SHANK2: variants seen among roughly 807,000 people sequenced by gnomAD.
SHANK2 encodes SH3 and multiple ankyrin repeat domains 2.
A neutral mutation model predicts 133.7 loss-of-function variants in SHANK2; 43 were observed. The ratio of observed to expected loss-of-function variants is 0.32; its 90% CI spans 0.25 to 0.41. The LOEUF is 0.41. SHANK2 is among the 10% of genes least tolerant of loss of function. SHANK2 has a pLI of 1.00. For missense variants in SHANK2, 1,994 were observed against 2,235.8 expected, an observed-to-expected ratio of 0.89 and a Z score of 2.18; for synonymous variants, 1,017 against 952.8, an observed-to-expected ratio of 1.07 and a Z score of -1.24.
At chr11:70,567,421 G>A (rs2059981318) in intron 17 of SHANK2, among the ~76,000 whole-genome samples, 2 of 152,150 alleles carry the variant, frequency 1.3e-5, no homozygotes, top group Non-Finnish European at 2.9e-5. Context: ...GAGGTCAGGA[G>A]TTTGAGACCA....
chr11:70,559,207 A>G (rs1315903619), intron 17 of SHANK2, among the ~76,000 whole-genome samples: 4 of 151,972 alleles, frequency 2.6e-5, no homozygotes, highest in East Asian at 1.9e-4. Context: ...TTTAGTAGAG[A>G]TGGGGTTTCA....
intron 8 of SHANK2, among the ~76,000 whole-genome samples, chr11:71,088,942 T>C (rs1189477654): frequency 2.0e-5 from 3 of 147,298 alleles, no homozygotes; most frequent in Non-Finnish European, 3.0e-5. Context: ...GAACTTGACC[T>C]TGTGGGTGAC....
chr11:70,876,970 A>G (rs1261291065), intron 11 of SHANK2, among the ~76,000 whole-genome samples: 1 of 152,206 alleles, frequency 6.6e-6, no homozygotes, highest in African/African-American at 2.4e-5. Context: ...GAATTCCACA[A>G]GGGACTGAGA....
chr11:70,776,505 C>T lies in SHANK2; in HGVS notation c.1777+21938G>A, dbSNP rs545614608. Among the ~76,000 whole-genome samples, 469 of 152,284 alleles carry T rather than the reference C, an allele frequency of 3.1e-3. 3 individuals carry two copies. The highest frequency in any genetic ancestry group is 0.027 in the Middle Eastern group (8 of 294). Reference sequence around the variant, plus strand: ...CTGGTATCGCCAAGAGCCTCATGCACGCCTCACTGCCTTCCCTGTTGCTCA... The same window carrying T: ...CTGGTATCGCCAAGAGCCTCATGCATGCCTCACTGCCTTCCCTGTTGCTCA... On this transcript the variant is annotated intron_variant, in intron 14 of 25. Coordinates refer to ENST00000601538, the MANE Select transcript of SHANK2 (RefSeq NM_012309.5).
chr11:70,719,312 G>A (rs1946024875), intron 14 of SHANK2, among the ~76,000 whole-genome samples: 1 of 152,234 alleles, frequency 6.6e-6, no homozygotes, highest in Non-Finnish European at 1.5e-5. Context: ...CACACAGCCA[G>A]GTAAGGGTGG....
chr11:71,127,571 C>G (rs1952215221), intron 3 of SHANK2, among the ~76,000 whole-genome samples: 1 of 152,160 alleles, frequency 6.6e-6, no homozygotes, highest in African/African-American at 2.4e-5. Context: ...AGACACTCCA[C>G]CAACAAAAAC....
chr11:70,523,035 C>T (rs928513858), intron 17 of SHANK2, among the ~76,000 whole-genome samples: 6 of 152,306 alleles, frequency 3.9e-5, no homozygotes, highest in South Asian at 4.2e-4. Flanking sequence ...AGAGGGCTTG[C>T]GGGTGCAAGG....
chr11:70,570,917 A>T (rs996373616), intron 17 of SHANK2, among the ~76,000 whole-genome samples: 6 of 152,200 alleles, frequency 3.9e-5, no homozygotes, highest in Admixed American at 3.9e-4. Context: ...ACAGTTTCAT[A>T]AATCTTGTAG....
At chr11:71,248,719 T>G (rs1474664083) in intron 1 of SHANK2, among the ~76,000 whole-genome samples, 1 of 152,192 alleles carries the variant, frequency 6.6e-6, no homozygotes, top group Non-Finnish European at 1.5e-5. Context: ...GAACAAGGAC[T>G]GGGTCATTCT....
At chr11:70,737,163 C>T (rs771042294) in intron 14 of SHANK2, among the ~76,000 whole-genome samples, 4 of 152,180 alleles carry the variant, frequency 2.6e-5, no homozygotes, top group Non-Finnish European at 4.4e-5. Context: ...GAGTCAGGTC[C>T]CTCACAGGCT....
Position 70,806,674 on chromosome 11 carries a change from C to T in SHANK2, c.1663+328G>A, listed in dbSNP as rs151043483. ...AGCCGACCCATGCCAGGGCCCACCCCGACACTTCAGACTTAGGGGATGGAA... is the reference window on the plus strand; with the variant it reads ...AGCCGACCCATGCCAGGGCCCACCCTGACACTTCAGACTTAGGGGATGGAA... On this transcript the variant is annotated intron_variant, in intron 13 of 25. Transcript: ENST00000601538. Among the ~76,000 whole-genome samples the T allele has an allele frequency of 1.4e-4, 22 of 152,316 alleles. No homozygotes were observed. In the East Asian group the frequency reaches 3.3e-3, roughly 23 times the overall value.
rs782433594 is a variant in SHANK2, at chr11:70,754,909, C to T, written c.1777+43534G>A. On this transcript the variant is annotated intron_variant, in intron 14 of 25. Coordinates refer to ENST00000601538, the MANE Select transcript of SHANK2 (RefSeq NM_012309.5). ...TAACACGGCCCCAGATGCAGAGAGA[C>T]ATCGATTACAGGGAGGCACCTGGGT... Among the ~76,000 whole-genome samples, 120 of 152,244 alleles carry T rather than the reference C, an allele frequency of 7.9e-4. 2 individuals are homozygous for T. Among genetic ancestry groups the T allele is most frequent in the Middle Eastern group, 3.4e-3 (1 of 294 alleles).
At chr11:70,939,156 C>T (rs561362476) in intron 10 of SHANK2, among the ~76,000 whole-genome samples, 26 of 152,218 alleles carry the variant, frequency 1.7e-4, no homozygotes, top group African/African-American at 4.3e-4. Flanking sequence ...ACTTTCCCTC[C>T]GGGGCTTTGG....
At chr11:70,501,977 CAGAA>C in intron 19 of SHANK2, 46 bp from the exon 20 acceptor site, 1 of 1,549,604 alleles carries the variant, frequency 6.5e-7, no homozygotes, top group Non-Finnish European at 8.7e-7. Flanking sequence ...GTTAGATAAA[CAGAA>C]AAGAGGAAAG....
intron 11 of SHANK2, among the ~76,000 whole-genome samples, chr11:70,884,255 G>T (rs535642787): frequency 6.6e-6 from 1 of 152,300 alleles, no homozygotes; most frequent in South Asian, 2.1e-4. Flanking sequence ...GGTGGGCAGG[G>T]GCCAGACAGG....
intron 17 of SHANK2, among the ~76,000 whole-genome samples, chr11:70,585,789 T>A (rs78194087): frequency 0.031 from 4,594 of 150,582 alleles, 118 homozygotes; most frequent in East Asian, 0.089. Context: ...TATCCATCCA[T>A]CCACTTAACT....
At chr11:70,696,195 C>G (rs540262586) in intron 15 of SHANK2, among the ~76,000 whole-genome samples, 1 of 152,180 alleles carries the variant, frequency 6.6e-6, no homozygotes, top group Admixed American at 6.5e-5. Flanking sequence ...CCTGAGGCAG[C>G]CTGAACAGCC....
intron 14 of SHANK2, among the ~76,000 whole-genome samples, chr11:70,788,781 A>G (rs189371478): frequency 1.3e-5 from 2 of 152,296 alleles, no homozygotes; most frequent in Admixed American, 1.3e-4. Context: ...AACCCCGACG[A>G]GGCCACACAG....
intron 10 of SHANK2, chr11:70,908,069 C>A: frequency 3.2e-6 from 1 of 309,594 alleles, no homozygotes. Flanking sequence ...CCATTGCACT[C>A]TGCGCAACAG....
Sources: gnomAD v4.1 joint callset for allele counts (sites outside exome capture counted in the v4.1 genomes callset) on GRCh38, gnomAD v4.1.1 for gene constraint, MANE v1.5 for transcripts, NCBI Gene and HGNC (gene_info 2026-07-23, HGNC 2026-07-21) for gene names.